The following PHF24 variants were observed in gnomAD, a reference collection of about 807,000 sequenced individuals.
PHF24 encodes Galpha inhibitory interacting protein.
Under a neutral mutation model 42.6 loss-of-function variants are expected in PHF24, and 25 were observed. The ratio of observed to expected loss-of-function variants is 0.59; its 90% CI spans 0.43 to 0.82. PHF24 has a LOEUF of 0.82. Ranked by LOEUF, PHF24 falls within the 40% of genes least tolerant of loss-of-function variation. The probability of loss-of-function intolerance (pLI) is 0.00; values close to 1 mark genes in which losing one functional copy is unlikely to be tolerated. For synonymous variants in PHF24, 185 were observed against 204.8 expected, an observed-to-expected ratio of 0.90 and a Z score of 0.83; for missense variants, 470 against 538.1, an observed-to-expected ratio of 0.87 and a Z score of 1.25.
the PHF24 span, among the ~76,000 whole-genome samples, chr9:34,801,564 A>G: frequency 2.0e-5 from 3 of 152,052 alleles, no homozygotes; most frequent in Non-Finnish European, 2.9e-5. Context: ...TGTCTCTACT[A>G]AAAATACAAA....
At chr9:34,704,065 C>G in the PHF24 span, among the ~76,000 whole-genome samples, 4 of 151,584 alleles carry the variant, frequency 2.6e-5, no homozygotes, top group Admixed American at 2.6e-4. Flanking sequence ...TGGGGTATTG[C>G]TCCACTATGA....
the PHF24 span, among the ~76,000 whole-genome samples, chr9:34,883,111 G>A: frequency 6.6e-6 from 1 of 152,100 alleles, no homozygotes; most frequent in Non-Finnish European, 1.5e-5. Context: ...CAAGCAATGG[G>A]GAAAGGATTC....
the PHF24 span, among the ~76,000 whole-genome samples, chr9:34,870,330 A>G: frequency 1.3e-5 from 2 of 152,068 alleles, no homozygotes; most frequent in Non-Finnish European, 2.9e-5. Flanking sequence ...ATAAATATAT[A>G]TATTTTGATA....
chr9:34,722,389 G>A, the PHF24 span, among the ~76,000 whole-genome samples: 1 of 152,158 alleles, frequency 6.6e-6, no homozygotes, highest in Non-Finnish European at 1.5e-5. Context: ...GAATACAGTG[G>A]GTTTGGTATG....
the PHF24 span, among the ~76,000 whole-genome samples, chr9:34,843,878 C>T: frequency 1.2e-4 from 18 of 151,998 alleles, no homozygotes; most frequent in African/African-American, 3.9e-4. Flanking sequence ...GACCAGTATC[C>T]GTTCTTAAAT....
the PHF24 span, among the ~76,000 whole-genome samples, chr9:34,823,181 C>T: frequency 1.1e-4 from 12 of 112,764 alleles, no homozygotes; most frequent in Middle Eastern, 8.9e-3. Context: ...CCGGCCTGGG[C>T]GACATAGCGA....
chr9:34,700,847 G>A, the PHF24 span, among the ~76,000 whole-genome samples: 8 of 152,144 alleles, frequency 5.3e-5, no homozygotes, highest in South Asian at 1.7e-3. Flanking sequence ...GTGTTCCGAA[G>A]GTACCCACTA....
the PHF24 span, chr9:34,724,478 G>A: frequency 6.4e-5 from 99 of 1,551,632 alleles, 1 homozygote; most frequent in South Asian, 1.1e-3. Context: ...TATGTTCTCT[G>A]GTGCTGCAAC....
chr9:34,882,054 C>T, the PHF24 span, among the ~76,000 whole-genome samples: 1 of 152,140 alleles, frequency 6.6e-6, no homozygotes, highest in Non-Finnish European at 1.5e-5. Flanking sequence ...AAGGCTGTTG[C>T]AACATATGCA....
At chr9:34,791,028 T>C in the PHF24 span, among the ~76,000 whole-genome samples, 1 of 152,242 alleles carries the variant, frequency 6.6e-6, no homozygotes, top group African/African-American at 2.4e-5. Context: ...TGGGGTTGAC[T>C]TTGAATTTCA....
chr9:34,941,182 T>A, the PHF24 span, among the ~76,000 whole-genome samples: 7 of 152,222 alleles, frequency 4.6e-5, no homozygotes, highest in African/African-American at 1.7e-4. Flanking sequence ...TAAAGGTCTC[T>A]GTCTATATAC....
the PHF24 span, among the ~76,000 whole-genome samples, chr9:34,716,984 T>C: frequency 1.3e-5 from 2 of 152,296 alleles, no homozygotes; most frequent in Middle Eastern, 3.4e-3. Flanking sequence ...CTGATGTAGA[T>C]GACAAGTTGT....
chr9:34,895,449 T>C, the PHF24 span: 6 of 397,256 alleles, frequency 1.5e-5, no homozygotes, highest in Non-Finnish European at 2.2e-5. Context: ...TCACCCAAAT[T>C]GGGAGCTCTT....
At chr9:34,822,713 G>A in the PHF24 span, among the ~76,000 whole-genome samples, 1 of 152,106 alleles carries the variant, frequency 6.6e-6, no homozygotes. Flanking sequence ...AGAATTAGAG[G>A]CATTACATCA....
At chr9:34,710,108 A>C in the PHF24 span, 1 of 1,579,666 alleles carries the variant, frequency 6.3e-7, no homozygotes, top group South Asian at 1.1e-5. Context: ...GCTGAGGGTG[A>C]GGTGGGCAGC....
chr9:34,801,074 T>C, the PHF24 span, among the ~76,000 whole-genome samples: 4 of 152,174 alleles, frequency 2.6e-5, no homozygotes, highest in South Asian at 8.3e-4. Flanking sequence ...CACATCATCA[T>C]TGGTCATCAA....
chr9:34,938,737 G>T, the PHF24 span, among the ~76,000 whole-genome samples: 1 of 150,996 alleles, frequency 6.6e-6, no homozygotes, highest in East Asian at 2.0e-4. Flanking sequence ...AGACCATCCT[G>T]GCTAACGCGG....
chr9:34,805,091 T>G, the PHF24 span, among the ~76,000 whole-genome samples: 449 of 152,368 alleles, frequency 2.9e-3, 1 homozygote, highest in African/African-American at 9.6e-3. Flanking sequence ...TACCATATTT[T>G]GTTTATCCAT....
At chr9:34,787,275 C>A in the PHF24 span, among the ~76,000 whole-genome samples, 2 of 151,928 alleles carry the variant, frequency 1.3e-5, no homozygotes, top group Non-Finnish European at 2.9e-5. Flanking sequence ...TGGAGAGGAG[C>A]TGGCCTAGTT....
Sources: allele counts gnomAD v4.1 joint callset (sites outside exome capture counted in the v4.1 genomes callset), GRCh38; gene constraint gnomAD v4.1.1; transcripts MANE v1.5; gene names NCBI Gene and HGNC (gene_info 2026-07-23, HGNC 2026-07-21).